BCL2: variants seen among roughly 807,000 people sequenced by gnomAD.
BCL2 encodes BCL2 apoptosis regulator, also known as apoptosis regulator Bcl-2.
Under a neutral mutation model 14.2 loss-of-function variants are expected in BCL2, and 1 was observed. That is an observed-to-expected ratio of 0.07 (90% CI 0.02 to 0.33). BCL2 has a LOEUF of 0.33. BCL2 is among the 10% of genes least tolerant of loss of function. The pLI, the probability that BCL2 is intolerant of heterozygous loss-of-function variation, is 0.99. For synonymous variants in BCL2, 151 were observed against 137.2 expected, an observed-to-expected ratio of 1.10 and a Z score of -0.70; for missense variants, 247 against 305.9, an observed-to-expected ratio of 0.81 and a Z score of 1.44.
intron 2 of BCL2, among the ~76,000 whole-genome samples, chr18:63,235,061 G>A (rs1260284762): frequency 6.6e-6 from 1 of 152,198 alleles, no homozygotes; most frequent in East Asian, 1.9e-4. Flanking sequence ...TGACTACTCG[G>A]TATGCAAATG....
At chr18:63,289,957 T>C (rs138541466) in intron 2 of BCL2, among the ~76,000 whole-genome samples, 62 of 151,660 alleles carry the variant, frequency 4.1e-4, no homozygotes, top group African/African-American at 1.5e-3. Flanking sequence ...TAAACTGGAG[T>C]GCGGAGAAAC....
rs1196935493 is a variant in BCL2 at position 63,169,401 on chromosome 18, CTTTT to C, written c.586-40646_586-40643del. On this transcript the variant is annotated intron_variant, in intron 2 of 2. Coordinates refer to ENST00000333681, the MANE Select transcript of BCL2 (RefSeq NM_000633.3). Reference sequence around the variant, plus strand: ...TTTCTTTCTTTCTTTTTCTTTCTTTCTTTTTCTTTCTCTCTCTCTCTCTCTCTTT... The same window carrying C: ...TTTCTTTCTTTCTTTTTCTTTCTTTCTCTTTCTCTCTCTCTCTCTCTCTTT... Among the ~76,000 whole-genome samples the C allele has an allele frequency of 3.8e-5, 4 of 106,310 alleles. 1 individual carries two copies. The highest frequency in any genetic ancestry group is 7.0e-4 in the East Asian group (2 of 2,852). 69.7% of individuals were successfully genotyped at this position (106,310 alleles called of 152,430 possible).
chr18:63,171,341 G>A (rs1915215801), intron 2 of BCL2, among the ~76,000 whole-genome samples: 1 of 152,232 alleles, frequency 6.6e-6, no homozygotes, highest in African/African-American at 2.4e-5. Context: ...ATCTCATAGT[G>A]TGTCTACCCT....
intron 2 of BCL2, among the ~76,000 whole-genome samples, chr18:63,242,627 T>C (rs12962644): frequency 0.84 from 127,441 of 152,042 alleles, 54,448 homozygotes; most frequent in Non-Finnish European, 0.93. Context: ...ATTACCAGTC[T>C]CTCCTCATTA....
At chr18:63,247,356 C>T (rs941273912) in intron 2 of BCL2, among the ~76,000 whole-genome samples, 2 of 151,730 alleles carry the variant, frequency 1.3e-5, no homozygotes, top group African/African-American at 4.8e-5. Flanking sequence ...CCGCCACCAC[C>T]CCCAGCTAAT....
intron 2 of BCL2, among the ~76,000 whole-genome samples, chr18:63,269,074 A>G (rs932412049): frequency 5.9e-5 from 9 of 151,876 alleles, no homozygotes; most frequent in African/African-American, 2.2e-4. Flanking sequence ...TCAGCCTCCC[A>G]AGTAGCTAGG....
chr18:63,229,384 T>C (rs898076535), intron 2 of BCL2, among the ~76,000 whole-genome samples: 1 of 152,220 alleles, frequency 6.6e-6, no homozygotes, highest in African/African-American at 2.4e-5. Flanking sequence ...TGAAGTCCTC[T>C]GTTATTAACT....
chr18:63,166,394 C>A (rs979161080), intron 2 of BCL2, among the ~76,000 whole-genome samples: 3 of 152,146 alleles, frequency 2.0e-5, no homozygotes. Context: ...CGTCCCTGGA[C>A]CCTGGACAGC....
chr18:63,308,645 A>G (rs1327428830), intron 2 of BCL2, among the ~76,000 whole-genome samples: 1 of 152,212 alleles, frequency 6.6e-6, no homozygotes, highest in African/African-American at 2.4e-5. Flanking sequence ...GGAATAAATG[A>G]TATACTTTTT....
intron 2 of BCL2, among the ~76,000 whole-genome samples, chr18:63,276,389 C>T (rs1399702086): frequency 6.6e-6 from 1 of 152,170 alleles, no homozygotes; most frequent in Non-Finnish European, 1.5e-5. Flanking sequence ...CTGGTAGTCA[C>T]AGGACAATTG....
chr18:63,125,848 A>C lies in BCL2; in HGVS notation c.*2777T>G, dbSNP rs1380710704. On this transcript the variant is annotated 3_prime_UTR_variant, in exon 3 of 3. Transcript: ENST00000333681. ...GAGGCTGGGCACATTTACTGTTATT[A>C]AAACCAGGTAACAAAACCCCACAGC... The C allele has an allele frequency of 2.8e-5, 6 of 216,876 alleles. No individual in the cohort carries two copies. The highest frequency in any genetic ancestry group is 1.3e-4 in the African/African-American group (6 of 44,454). 13.4% of individuals were successfully genotyped at this position (216,876 alleles called of 1,614,324 possible). A position where few individuals can be genotyped will look rare whatever the true frequency, so the allele number is the denominator to read the frequency against.
chr18:63,299,505 G>C (rs1912895206), intron 2 of BCL2, among the ~76,000 whole-genome samples: 1 of 152,174 alleles, frequency 6.6e-6, no homozygotes, highest in Admixed American at 6.5e-5. Context: ...GCTACCAGCA[G>C]TATTTTCATC....
intron 2 of BCL2, among the ~76,000 whole-genome samples, chr18:63,250,771 T>C (rs529258306): frequency 1.3e-5 from 2 of 152,304 alleles, no homozygotes; most frequent in South Asian, 4.1e-4. Context: ...CCAAGTAAAA[T>C]ATTTTAAAAA....
At chr18:63,154,633 A>T (rs1312723515) in intron 2 of BCL2, among the ~76,000 whole-genome samples, 2 of 151,686 alleles carry the variant, frequency 1.3e-5, no homozygotes, top group Non-Finnish European at 2.9e-5. Context: ...ACCTCTCCAC[A>T]CTCAGCTCAA....
At chr18:63,282,792 T>C (rs1399621497) in intron 2 of BCL2, among the ~76,000 whole-genome samples, 1 of 152,152 alleles carries the variant, frequency 6.6e-6, no homozygotes, top group East Asian at 1.9e-4. Context: ...TATATATAGA[T>C]ATATATATCA....
At chr18:63,214,587 A>G (rs1228521071) in intron 2 of BCL2, among the ~76,000 whole-genome samples, 5 of 152,178 alleles carry the variant, frequency 3.3e-5, no homozygotes, top group Admixed American at 3.3e-4. Flanking sequence ...TTAAACCAGG[A>G]GGGAAATTTC....
chr18:63,300,412 A>C (rs1412054527), intron 2 of BCL2, among the ~76,000 whole-genome samples: 1 of 151,928 alleles, frequency 6.6e-6, no homozygotes, highest in Admixed American at 6.6e-5. Context: ...TGTTCAAAAA[A>C]AAAGAGAAAA....
chr18:63,169,647 C>T (rs542743589), intron 2 of BCL2, among the ~76,000 whole-genome samples: 2 of 151,762 alleles, frequency 1.3e-5, no homozygotes, highest in Admixed American at 6.6e-5. Context: ...TCTAGTCACC[C>T]GAGTAGCTGG....
chr18:63,255,893 T>C (rs1427681927), intron 2 of BCL2, among the ~76,000 whole-genome samples: 3 of 152,114 alleles, frequency 2.0e-5, no homozygotes, highest in Non-Finnish European at 4.4e-5. Context: ...AATTTTCTTC[T>C]TATCTGAAGG....
Sources: allele counts gnomAD v4.1 joint callset (sites outside exome capture counted in the v4.1 genomes callset), GRCh38; gene constraint gnomAD v4.1.1; transcripts MANE v1.5; gene names NCBI Gene and HGNC (gene_info 2026-07-23, HGNC 2026-07-21).